Variants in MAP1B observed in about 807,000 individuals in gnomAD.
MAP1B encodes the protein microtubule associated protein 1B.
Under a neutral mutation model 176.1 loss-of-function variants are expected in MAP1B, and 12 were observed. That is an observed-to-expected ratio of 0.07 (90% CI 0.04 to 0.11). MAP1B has a LOEUF of 0.11. Ranked by LOEUF, MAP1B falls within the 10% of genes least tolerant of loss-of-function variation. The probability of loss-of-function intolerance (pLI) is 1.00; values close to 1 mark genes in which losing one functional copy is unlikely to be tolerated. For synonymous variants in MAP1B, 1,044 were observed against 1,135.0 expected, an observed-to-expected ratio of 0.92 and a Z score of 1.61; for missense variants, 2,523 against 2,990.5, an observed-to-expected ratio of 0.84 and a Z score of 3.65.
At chr5:72,166,978 G>A (rs1746444942) in intron 2 of MAP1B, among the ~76,000 whole-genome samples, 1 of 151,468 alleles carries the variant, frequency 6.6e-6, no homozygotes, top group African/African-American at 2.4e-5. Flanking sequence ...ATAGCTTTTG[G>A]TACAGCCACA....
chr5:72,186,638 G>A lies in MAP1B; in HGVS notation c.394G>A (p.Ala132Thr). 6.2e-7 allele frequency: 1 copy of A among 1,614,174 alleles called. No homozygotes were observed. Among genetic ancestry groups the A allele is most frequent in the Non-Finnish European group, 8.5e-7 (1 of 1,180,052 alleles). The change falls in exon 4 of 7, where the codon GCC (alanine) becomes ACC (threonine). Residue 132 changes from alanine to threonine, a missense_variant. Ala to Thr is a moderately conservative substitution (Grantham distance 58). This residue lies in a region of MAP1B where 307 missense variants were observed against 438.4 expected (regional missense o/e 0.70). Coordinates refer to ENST00000296755, the MANE Select transcript of MAP1B (RefSeq NM_005909.5). The surrounding 1 kb of genome is among the most constrained non-coding windows in gnomAD (Gnocchi z 4.3). ...TEVRLMITDA[A>T]RHKLLVLTGQ... is the part of the protein sequence containing the mutation. ...GGTGCGCTTAATGATCACTGATGCTGCCCGACACAAGCTGCTCGTGCTGAC... is the reference window on the plus strand; with the variant it reads ...GGTGCGCTTAATGATCACTGATGCTACCCGACACAAGCTGCTCGTGCTGAC...
chr5:72,188,131 C>T (rs1746952437), intron 4 of MAP1B, among the ~76,000 whole-genome samples: 2 of 152,262 alleles, frequency 1.3e-5, no homozygotes, highest in Non-Finnish European at 2.9e-5. Context: ...TAGTAAGCCG[C>T]TGTTCAATTG....
chr5:72,137,727 A>G (rs1390760722), intron 2 of MAP1B, among the ~76,000 whole-genome samples: 3 of 152,222 alleles, frequency 2.0e-5, no homozygotes, highest in Admixed American at 6.5e-5. Context: ...ATGATTCAGA[A>G]CTATACTTTC....
intron 2 of MAP1B, among the ~76,000 whole-genome samples, chr5:72,176,982 T>C (rs1746663611): frequency 6.6e-6 from 1 of 152,120 alleles, no homozygotes. Flanking sequence ...TGGAGACAGA[T>C]TCTGTGTAAT....
chr5:72,166,688 G>A (rs1358599621), intron 2 of MAP1B, among the ~76,000 whole-genome samples: 7 of 152,196 alleles, frequency 4.6e-5, no homozygotes, highest in South Asian at 4.1e-4. Flanking sequence ...GAAGCGTCTT[G>A]TCTTTATGAC....
At chr5:72,113,369 G>A (rs932087904) in intron 1 of MAP1B, among the ~76,000 whole-genome samples, 3 of 152,094 alleles carry the variant, frequency 2.0e-5, no homozygotes, top group African/African-American at 7.2e-5. Context: ...GTGTAAAAAT[G>A]AGAAATATTT....
Position 72,195,603 on chromosome 5 carries a change from A to C in MAP1B, c.2248A>C (p.Lys750Gln), listed in dbSNP as rs1747140139. ...ATCATCTACTCCTCTGTCTGAAGCAAAAAAACCAGCTGCTTTAAAACCAAA... is the reference window on the plus strand; with the variant it reads ...ATCATCTACTCCTCTGTCTGAAGCACAAAAACCAGCTGCTTTAAAACCAAA... Reference protein sequence around the residue: ...KKSSTPLSEAKKPAALKPKVP... With the variant: ...KKSSTPLSEAQKPAALKPKVP... Residue 750 changes from lysine (K) to glutamine (Q), a missense_variant, in exon 5 of 7, where the codon AAA becomes CAA. This residue lies in a region of MAP1B where 1,925 missense variants were observed against 2,126.0 expected (regional missense o/e 0.91). Transcript: ENST00000296755. The C allele has an allele frequency of 6.2e-7, 1 of 1,614,232 alleles. No homozygotes were observed. Among genetic ancestry groups the C allele is most frequent in the Non-Finnish European group, 8.5e-7 (1 of 1,180,044 alleles).
At chr5:72,140,204 C>G (rs2112152465) in intron 2 of MAP1B, among the ~76,000 whole-genome samples, 1 of 152,198 alleles carries the variant, frequency 6.6e-6, no homozygotes, top group East Asian at 1.9e-4. Context: ...CTCAAGCAAT[C>G]TGCCCTCCTC....
In MAP1B at chr5:72,124,162, A is replaced by G. The variant is rs186117169; in HGVS notation, c.286+8363A>G. On this transcript the variant is annotated intron_variant, in intron 2 of 6. Coordinates refer to ENST00000296755, the MANE Select transcript of MAP1B (RefSeq NM_005909.5). ...TTAAATGCTACCTAGGCAACGATCAAGTATCCCCAGACATCATACTCCAGG... is the reference window on the plus strand; with the variant it reads ...TTAAATGCTACCTAGGCAACGATCAGGTATCCCCAGACATCATACTCCAGG... Among the ~76,000 whole-genome samples, 219 of 152,312 alleles carry G rather than the reference A, an allele frequency of 1.4e-3. 2 individuals are homozygous for G. The highest frequency in any genetic ancestry group is 4.9e-3 in the African/African-American group (203 of 41,556).
chr5:72,118,024 C>A (rs1196292257), intron 2 of MAP1B, among the ~76,000 whole-genome samples: 1 of 152,154 alleles, frequency 6.6e-6, no homozygotes, highest in Admixed American at 6.5e-5. Context: ...CCCAGGGAAG[C>A]CTTTAGCTTT....
At chr5:72,118,540 C>T (rs1202479961) in intron 2 of MAP1B, among the ~76,000 whole-genome samples, 1 of 152,170 alleles carries the variant, frequency 6.6e-6, no homozygotes, top group Non-Finnish European at 1.5e-5. Flanking sequence ...AGGCATTTAA[C>T]AATCATATAC....
At chr5:72,111,107 T>TC (rs914020828) in intron 1 of MAP1B, among the ~76,000 whole-genome samples, 1 of 152,154 alleles carries the variant, frequency 6.6e-6, no homozygotes, top group African/African-American at 2.4e-5. Context: ...ACCTCCTTTT[T>TC]CTCCTCCCTA....
intron 2 of MAP1B, among the ~76,000 whole-genome samples, chr5:72,173,430 T>G (rs757146420): frequency 2.6e-5 from 4 of 152,212 alleles, no homozygotes; most frequent in African/African-American, 9.6e-5. Flanking sequence ...CTATAAGTAA[T>G]TCACATTGTT....
intron 2 of MAP1B, among the ~76,000 whole-genome samples, chr5:72,171,098 T>G (rs1371144404): frequency 6.6e-6 from 1 of 151,836 alleles, no homozygotes. Flanking sequence ...TAGGAAAGGG[T>G]AAAGTGAAAG....
At chr5:72,112,091 A>T (rs1166787676) in intron 1 of MAP1B, among the ~76,000 whole-genome samples, 1 of 152,222 alleles carries the variant, frequency 6.6e-6, no homozygotes, top group Non-Finnish European at 1.5e-5. Flanking sequence ...CTGATTTCAG[A>T]CCACTTTTTA....
intron 4 of MAP1B, among the ~76,000 whole-genome samples, chr5:72,189,474 G>A (rs1746979979): frequency 6.6e-6 from 1 of 152,144 alleles, no homozygotes; most frequent in African/African-American, 2.4e-5. Context: ...ATCATCTTCA[G>A]TTTTACCCAC....
At chr5:72,155,472 T>A (rs1230222040) in intron 2 of MAP1B, among the ~76,000 whole-genome samples, 2 of 152,248 alleles carry the variant, frequency 1.3e-5, no homozygotes, top group African/African-American at 4.8e-5. Flanking sequence ...AATAAGAATA[T>A]GTGACAGATT....
chr5:72,197,687 A>C lies in MAP1B; in HGVS notation c.4332A>C (p.Pro1444=), dbSNP rs750524917. The C allele has an allele frequency of 6.2e-7, 1 of 1,614,104 alleles. No individual in the cohort carries two copies. The highest frequency in any genetic ancestry group is 2.2e-5 in the East Asian group (1 of 44,884). The part of the protein sequence containing the change: ...GKQGSPDQVS[P]VSEMTSTSLY... Reference sequence around the variant, plus strand: ...AAGGCTCTCCAGACCAAGTAAGTCCAGTTTCTGAAATGACTTCTACTAGTC... The same window carrying C: ...AAGGCTCTCCAGACCAAGTAAGTCCCGTTTCTGAAATGACTTCTACTAGTC... The change falls in exon 5 of 7, where the codon CCA becomes CCC. Residue 1444 remains proline (P), a synonymous_variant. Coordinates refer to ENST00000296755, the MANE Select transcript of MAP1B (RefSeq NM_005909.5).
chr5:72,165,837 AG>A (rs1746416962), intron 2 of MAP1B, among the ~76,000 whole-genome samples: 1 of 152,184 alleles, frequency 6.6e-6, no homozygotes. Flanking sequence ...GCATGTTGGG[AG>A]ACACCGTGAT....
Sources: gnomAD v4.1 joint callset for allele counts (sites outside exome capture counted in the v4.1 genomes callset) on GRCh38, gnomAD v4.1.1 for gene constraint, gnomAD v4.1.1 regional missense constraint, Gnocchi (gnomAD v3.1) non-coding constraint, MANE v1.5 for transcripts, NCBI Gene and HGNC (gene_info 2026-07-23, HGNC 2026-07-21) for gene names.